PTPRU: variants seen among roughly 807,000 people sequenced by gnomAD.
PTPRU encodes protein tyrosine phosphatase receptor type U, also known as receptor-type tyrosine-protein phosphatase U.
PTPRU carries 69 observed loss-of-function variants against 166.3 expected under a neutral mutation model. The ratio of observed to expected loss-of-function variants is 0.41; its 90% CI spans 0.34 to 0.51. The LOEUF (loss-of-function observed/expected upper bound fraction) is 0.51. Ranked by LOEUF, PTPRU falls within the 20% of genes least tolerant of loss-of-function variation. The probability of loss-of-function intolerance (pLI) is 0.09; values close to 1 mark genes in which losing one functional copy is unlikely to be tolerated. For missense variants in PTPRU, 1,657 were observed against 2,013.7 expected (o/e 0.82, Z 3.39); for synonymous variants, 793 against 814.0 (o/e 0.97, Z 0.44).
At chr1:29,273,526 T>G (rs1335544409) in intron 7 of PTPRU, among the ~76,000 whole-genome samples, 1 of 152,016 alleles carries the variant, frequency 6.6e-6, no homozygotes, top group East Asian at 1.9e-4. Flanking sequence ...GCCTTGGCTT[T>G]CCAAAGTGCT....
chr1:29,237,972 G>A lies in PTPRU; in HGVS notation c.73+1255G>A, dbSNP rs1319177897. Among the ~76,000 whole-genome samples, 1 of 151,000 alleles carries A rather than the reference G, an allele frequency of 6.6e-6. No individual in the cohort carries two copies. Among genetic ancestry groups the A allele is most frequent in the Non-Finnish European group, 1.5e-5 (1 of 67,670 alleles). On this transcript the variant is annotated intron_variant, in intron 1 of 29. Coordinates refer to ENST00000373779, the MANE Select transcript of PTPRU (RefSeq NM_133178.4). The surrounding 1 kb of genome is among the most constrained non-coding windows in gnomAD (Gnocchi z 6.4). Reference sequence around the variant, plus strand: ...ACGGCGCCCCCTCCCTTGGCGCGCAGGACGCGCGGGGGACGCCCGGGCCTC... The same window carrying A: ...ACGGCGCCCCCTCCCTTGGCGCGCAAGACGCGCGGGGGACGCCCGGGCCTC...
chr1:29,289,367 A>G (rs1686511421), intron 14 of PTPRU, among the ~76,000 whole-genome samples: 1 of 152,142 alleles, frequency 6.6e-6, no homozygotes, highest in Non-Finnish European at 1.5e-5. Context: ...GTGAGCATAT[A>G]TCTACATGTG....
rs1054825020 is a variant in PTPRU, at chr1:29,257,613, G to A, written c.206-892G>A. Among the ~76,000 whole-genome samples, 2 of 152,348 alleles carry A rather than the reference G, an allele frequency of 1.3e-5. No homozygotes were observed. Among genetic ancestry groups the A allele is most frequent in the South Asian group, 2.1e-4 (1 of 4,830 alleles). ...CCTTTCTCCAGGTTGGAAGTCAAGG[G>A]GATTTGTATTCCAGGAATTTAGACT... On this transcript the variant is annotated intron_variant, in intron 2 of 29. Coordinates refer to ENST00000373779, the MANE Select transcript of PTPRU (RefSeq NM_133178.4). The surrounding 1 kb of genome is among the most constrained non-coding windows in gnomAD (Gnocchi z 4.6).
rs1686000647 is a variant in PTPRU at position 29,280,233 on chromosome 1, C to G, written c.1868+92C>G. On this transcript the variant is annotated intron_variant, in intron 11 of 29. Transcript: ENST00000373779. The surrounding 1 kb of genome is among the most constrained non-coding windows in gnomAD (Gnocchi z 4.2). ...GAGCCCCATCCCAGGCCAGCTCACC[C>G]TTTTCCTCCCTCAGTCTCCCACGCA... The G allele has an allele frequency of 8.0e-7, 1 of 1,245,696 alleles. No individual in the cohort carries two copies. Among genetic ancestry groups the G allele is most frequent in the Non-Finnish European group, 1.1e-6 (1 of 881,798 alleles). The allele number at this position is 1,245,696 out of a possible 1,614,324, so 77.2% of individuals were successfully genotyped here. A position where few individuals can be genotyped will look rare whatever the true frequency, so the allele number is the denominator to read the frequency against.
intron 18 of PTPRU, 44 bp downstream of exon 18, chr1:29,305,472 G>T (rs376650072): frequency 6.4e-7 from 1 of 1,573,410 alleles, no homozygotes; most frequent in South Asian, 1.1e-5. Context: ...GGCCCTGCCC[G>T]CTCCAGGCTT....
intron 3 of PTPRU, among the ~76,000 whole-genome samples, chr1:29,259,008 C>T (rs1283209977): frequency 6.6e-6 from 1 of 152,166 alleles, no homozygotes; most frequent in Non-Finnish European, 1.5e-5. Context: ...TGGAACAGTG[C>T]TGACCTGGAA....
intron 15 of PTPRU, among the ~76,000 whole-genome samples, chr1:29,292,696 TAAC>T (rs956692285): frequency 1.2e-4 from 19 of 152,270 alleles, no homozygotes; most frequent in African/African-American, 4.6e-4. Context: ...CATAAAATCA[TAAC>T]AATACAACAA....
At chr1:29,290,889 CTCT>C (rs1300822899) in intron 14 of PTPRU, among the ~76,000 whole-genome samples, 2 of 152,218 alleles carry the variant, frequency 1.3e-5, no homozygotes, top group East Asian at 3.8e-4. Context: ...GTTTCTGTAG[CTCT>C]TCTTCCAGGT....
At chr1:29,243,893 T>TCA (rs1341506328) in intron 1 of PTPRU, among the ~76,000 whole-genome samples, 79 of 152,258 alleles carry the variant, frequency 5.2e-4, no homozygotes, top group African/African-American at 1.8e-3. Context: ...GGCTCTGGGT[T>TCA]GGGGGCTGCC....
rs141929662 is a variant in PTPRU, at chr1:29,321,769, G to A, written c.3828+944G>A. ...TAGGATATGTGGCACTGCTGTGTCT[G>A]CTGCACAGTAGGCATGTGGTATGTG... On this transcript the variant is annotated intron_variant, in intron 26 of 29. Transcript: ENST00000373779. Among the ~76,000 whole-genome samples, 3 of 152,364 alleles carry A rather than the reference G, an allele frequency of 2.0e-5. No individual in the cohort carries two copies. The East Asian group carries it at 5.8e-4, about 29-fold the overall frequency.
intron 2 of PTPRU, among the ~76,000 whole-genome samples, chr1:29,258,248 A>G (rs557825637): frequency 9.8e-5 from 15 of 152,334 alleles, no homozygotes; most frequent in African/African-American, 3.6e-4. Context: ...TATAGGCGTG[A>G]GCCACCGCGC....
At chr1:29,265,849 C>G (rs1289656200) in intron 7 of PTPRU, among the ~76,000 whole-genome samples, 2 of 151,898 alleles carry the variant, frequency 1.3e-5, no homozygotes, top group Non-Finnish European at 2.9e-5. Flanking sequence ...ATATTTCCTC[C>G]CAGTAGCTTG....
At chr1:29,247,161 A>G (rs1684333926) in intron 1 of PTPRU, among the ~76,000 whole-genome samples, 2 of 152,228 alleles carry the variant, frequency 1.3e-5, no homozygotes, top group African/African-American at 4.8e-5. Context: ...TGAAGCTTGA[A>G]CTAGTAAGGC....
In PTPRU at chr1:29,325,182, CTCAT is replaced by C; in HGVS notation, c.4113-5_4113-2del. The stretch of plus-strand genomic sequence containing the variant: ...GCCCCGCCCCTCAGCTTTTGCATCT[CTCAT>C]TCAGAAACGGGGGAGGACGCAGCGG... On this transcript the variant is annotated splice_polypyrimidine_tract_variant and splice_region_variant and intron_variant, in intron 28 of 29. Coordinates refer to ENST00000373779, the MANE Select transcript of PTPRU (RefSeq NM_133178.4). 1 of 1,614,158 alleles carries C rather than the reference CTCAT, an allele frequency of 6.2e-7. No individual in the cohort carries two copies. The highest frequency in any genetic ancestry group is 8.5e-7 in the Non-Finnish European group (1 of 1,180,016).
chr1:29,272,919 A>T (rs1003301221), intron 7 of PTPRU, among the ~76,000 whole-genome samples: 1 of 149,842 alleles, frequency 6.7e-6, no homozygotes, highest in South Asian at 2.1e-4. Context: ...AAAAAAAAAA[A>T]AAAAAAAAGA....
intron 15 of PTPRU, among the ~76,000 whole-genome samples, chr1:29,295,445 G>A (rs959075822): frequency 6.6e-6 from 1 of 152,090 alleles, no homozygotes; most frequent in Non-Finnish European, 1.5e-5. Context: ...TGGAAGAATC[G>A]CCATCTTATG....
chr1:29,263,835 G>A (rs1685173887), intron 7 of PTPRU, among the ~76,000 whole-genome samples: 1 of 152,120 alleles, frequency 6.6e-6, no homozygotes, highest in Non-Finnish European at 1.5e-5. Flanking sequence ...CAATTTTTAA[G>A]TTGGGTTATT....
Position 29,237,864 on chromosome 1 carries a change from C to T in PTPRU, c.73+1147C>T, listed in dbSNP as rs1281307154. Among the ~76,000 whole-genome samples the T allele has an allele frequency of 1.4e-5, 2 of 146,020 alleles. No individual in the cohort carries two copies. The highest frequency in any genetic ancestry group is 2.5e-5 in the African/African-American group (1 of 40,682). On this transcript the variant is annotated intron_variant, in intron 1 of 29. Transcript: ENST00000373779. This position sits in a 1 kb window ranked among gnomAD's most constrained non-coding sequence, Gnocchi z 6.4. ...TCCTGCGGTGGCCGGGCCGCGGCTG[C>T]GCCCCGGGCGGCCGGGCGGGGGCTG...
At position 29,291,891 on chromosome 1, in the gene PTPRU, G is replaced by A; in HGVS notation, c.2341G>A (p.Ala781Thr). ...RKGKPVNMTK[A>T]TVNYRQEKTH... ...CAGGAAGCCGGTGAACATGACCAAG[G>A]CCACCGTCAACTACCGCCAGGAGAA... The change falls in exon 15 of 30, where the codon GCC (alanine) becomes ACC (threonine). Residue 781 changes from alanine to threonine, a missense_variant. Ala to Thr is a moderately conservative substitution (Grantham distance 58). This residue lies in a region of PTPRU where 1,190 missense variants were observed against 1,477.4 expected (regional missense o/e 0.81). Coordinates refer to ENST00000373779, the MANE Select transcript of PTPRU (RefSeq NM_133178.4). The surrounding 1 kb of genome is among the most constrained non-coding windows in gnomAD (Gnocchi z 4.1). 1 of 1,614,018 alleles carries A rather than the reference G, an allele frequency of 6.2e-7. No individual in the cohort carries two copies. Among genetic ancestry groups the A allele is most frequent in the Non-Finnish European group, 8.5e-7 (1 of 1,179,974 alleles).
Sources: allele counts gnomAD v4.1 joint callset (sites outside exome capture counted in the v4.1 genomes callset), GRCh38; gene constraint gnomAD v4.1.1; regional missense constraint gnomAD v4.1.1; non-coding constraint Gnocchi (gnomAD v3.1); transcripts MANE v1.5; gene names NCBI Gene and HGNC (gene_info 2026-07-23, HGNC 2026-07-21).